CSTPP1: variants seen among roughly 807,000 people sequenced by gnomAD.
CSTPP1 encodes the protein UPF0705 protein C11orf49.
chr11:46,974,840 G>A, the CSTPP1 span, among the ~76,000 whole-genome samples: 12 of 150,136 alleles, frequency 8.0e-5, no homozygotes, highest in Non-Finnish European at 1.6e-4. Flanking sequence ...GGGTGACAGA[G>A]TGAGACTCTA....
the CSTPP1 span, among the ~76,000 whole-genome samples, chr11:47,028,997 C>T: frequency 6.6e-6 from 1 of 151,986 alleles, no homozygotes; most frequent in Non-Finnish European, 1.5e-5. Context: ...GCCACCATGC[C>T]CAGCTAATTT....
chr11:47,022,567 A>G, the CSTPP1 span, among the ~76,000 whole-genome samples: 1 of 151,646 alleles, frequency 6.6e-6, no homozygotes, highest in African/African-American at 2.4e-5. Context: ...GCAGGGTTTC[A>G]CCATGTTGGC....
At chr11:47,117,315 T>C in the CSTPP1 span, among the ~76,000 whole-genome samples, 12 of 152,348 alleles carry the variant, frequency 7.9e-5, no homozygotes, top group African/African-American at 2.9e-4. Context: ...CAGGAACTCT[T>C]GTAAGGCAGG....
At chr11:47,163,016 C>T in the CSTPP1 span, among the ~76,000 whole-genome samples, 1 of 151,986 alleles carries the variant, frequency 6.6e-6, no homozygotes, top group East Asian at 1.9e-4. Context: ...CCTATCTCTA[C>T]AAAATAACCT....
At chr11:47,022,673 A>G in the CSTPP1 span, among the ~76,000 whole-genome samples, 6 of 152,228 alleles carry the variant, frequency 3.9e-5, 1 homozygote, top group South Asian at 1.0e-3. Context: ...CCCAGCCACT[A>G]CAGTTATCTC....
chr11:47,097,721 G>A, the CSTPP1 span, among the ~76,000 whole-genome samples: 27 of 67,868 alleles, frequency 4.0e-4, no homozygotes, highest in African/African-American at 1.5e-3. Flanking sequence ...CGCCCCGTCC[G>A]GGAGGTGAGG....
the CSTPP1 span, among the ~76,000 whole-genome samples, chr11:47,072,108 A>T: frequency 1.3e-5 from 2 of 152,288 alleles, no homozygotes; most frequent in Admixed American, 1.3e-4. Flanking sequence ...GAATCTCCTT[A>T]ATTTCCTCAC....
chr11:47,097,518 G>C, the CSTPP1 span, among the ~76,000 whole-genome samples: 1 of 45,134 alleles, frequency 2.2e-5, no homozygotes, highest in Non-Finnish European at 4.6e-5. Context: ...CCTCTGCCCG[G>C]CCGCCCCTAC....
the CSTPP1 span, among the ~76,000 whole-genome samples, chr11:47,003,476 A>G: frequency 6.6e-6 from 1 of 152,216 alleles, no homozygotes; most frequent in African/African-American, 2.4e-5. Flanking sequence ...AGAATTTGCT[A>G]AGATGTTTGT....
the CSTPP1 span, among the ~76,000 whole-genome samples, chr11:47,153,202 T>G: frequency 2.0e-5 from 3 of 151,760 alleles, no homozygotes; most frequent in Non-Finnish European, 4.4e-5. Flanking sequence ...CCTTGGGTTA[T>G]GAGATGGGGT....
the CSTPP1 span, among the ~76,000 whole-genome samples, chr11:46,948,513 C>T: frequency 5.9e-5 from 9 of 151,624 alleles, no homozygotes; most frequent in Admixed American, 3.3e-4. Context: ...TGGAAGGCTG[C>T]GTAAGAAGTG....
the CSTPP1 span, among the ~76,000 whole-genome samples, chr11:47,140,315 A>G: frequency 6.6e-6 from 1 of 151,984 alleles, no homozygotes; most frequent in African/African-American, 2.4e-5. Flanking sequence ...AAAAAAAAGT[A>G]TGGGAGATTA....
chr11:47,137,363 C>G, the CSTPP1 span: 2,773 of 1,460,434 alleles, frequency 1.9e-3, 7 homozygotes, highest in Non-Finnish European at 2.3e-3. Context: ...GATGAAGGTG[C>G]CTCTCTTGTT....
the CSTPP1 span, among the ~76,000 whole-genome samples, chr11:47,006,632 T>C: frequency 3.9e-5 from 6 of 151,902 alleles, no homozygotes; most frequent in Admixed American, 3.9e-4. Context: ...TCACCCAGGT[T>C]GGAGTGCAGT....
At chr11:47,038,512 C>A in the CSTPP1 span, among the ~76,000 whole-genome samples, 1 of 104,138 alleles carries the variant, frequency 9.6e-6, no homozygotes, top group Non-Finnish European at 2.4e-5. Flanking sequence ...GGGCTCCTCA[C>A]TTCCCAGTAG....
chr11:46,987,287 A>G, the CSTPP1 span: 1 of 1,614,120 alleles, frequency 6.2e-7, no homozygotes, highest in Non-Finnish European at 8.5e-7. Context: ...GCCAATATGG[A>G]ATTGCCAGGT....
At chr11:47,052,369 T>C in the CSTPP1 span, 7 of 1,608,244 alleles carry the variant, frequency 4.4e-6, no homozygotes, top group Non-Finnish European at 5.1e-6. Context: ...CAATGACTTC[T>C]TGACTTTTCT....
chr11:47,124,529 A>G, the CSTPP1 span, among the ~76,000 whole-genome samples: 3 of 152,344 alleles, frequency 2.0e-5, no homozygotes, highest in South Asian at 4.1e-4. Context: ...TCAAAAGGGT[A>G]TACAATCTTA....
the CSTPP1 span, among the ~76,000 whole-genome samples, chr11:47,007,760 C>T: frequency 3.3e-5 from 5 of 151,770 alleles, no homozygotes; most frequent in Non-Finnish European, 5.9e-5. Context: ...TATCTTTCTT[C>T]GGAGGGGATT....
Sources: allele counts gnomAD v4.1 joint callset (sites outside exome capture counted in the v4.1 genomes callset), GRCh38; gene constraint gnomAD v4.1.1; transcripts MANE v1.5; gene names NCBI Gene and HGNC (gene_info 2026-07-23, HGNC 2026-07-21).